Variants in MAN2A1 observed in about 807,000 individuals in gnomAD.
MAN2A1 encodes alpha-mannosidase 2.
In MAN2A1, 76 loss-of-function variants were observed where a neutral mutation model predicts 142.6. That is an observed-to-expected ratio of 0.53 (90% confidence interval 0.44 to 0.65). MAN2A1 has a LOEUF of 0.65. Among genes scored for constraint, MAN2A1 ranks in the 30% least tolerant of loss-of-function variants. MAN2A1 has a pLI of 0.00. For missense variants in MAN2A1, 1,311 were observed against 1,365.1 expected, an observed-to-expected ratio of 0.96 and a Z score of 0.62; for synonymous variants, 559 against 473.2, an observed-to-expected ratio of 1.18 and a Z score of -2.35.
chr5:109,804,734 A>G (rs1012311729), intron 12 of MAN2A1, among the ~76,000 whole-genome samples: 1 of 152,132 alleles, frequency 6.6e-6, no homozygotes, highest in African/African-American at 2.4e-5. Context: ...GCACTAGTAA[A>G]AATTTGTTGT....
At chr5:109,714,655 G>A (rs1250767078) in intron 2 of MAN2A1, among the ~76,000 whole-genome samples, 2 of 152,196 alleles carry the variant, frequency 1.3e-5, no homozygotes, top group African/African-American at 4.8e-5. Flanking sequence ...GATTTTGGGG[G>A]AAGGATCCTA....
chr5:109,742,063 AC>A (rs1305589340), intron 4 of MAN2A1, among the ~76,000 whole-genome samples: 5 of 152,100 alleles, frequency 3.3e-5, no homozygotes, highest in African/African-American at 4.8e-5. Context: ...CAAAATGTGA[AC>A]CCTTATTGAG....
chr5:109,851,184 C>T (rs763226806), intron 19 of MAN2A1, among the ~76,000 whole-genome samples: 1 of 152,226 alleles, frequency 6.6e-6, no homozygotes, highest in Non-Finnish European at 1.5e-5. Context: ...TCAGTAAAAA[C>T]AAGGACTTGG....
Position 109,774,640 on chromosome 5 carries a change from A to G in MAN2A1, c.1197-148A>G, listed in dbSNP as rs958093600. 43 of 590,802 alleles carry G rather than the reference A, an allele frequency of 7.3e-5. No homozygotes were observed. In the African/African-American group the frequency reaches 7.6e-4, roughly 10 times the overall value. The allele number at this position is 590,802 out of a possible 1,614,324, so 36.6% of individuals were successfully genotyped here. A position where few individuals can be genotyped will look rare whatever the true frequency, so the allele number is the denominator to read the frequency against. ...TTAAAAAAATCTGTCTTTAAATTAT[A>G]CTAACCTTGCAGATAGATAAAATAT... On this transcript the variant is annotated intron_variant, in intron 7 of 21. Coordinates refer to ENST00000261483, the MANE Select transcript of MAN2A1 (RefSeq NM_002372.4).
At chr5:109,735,069 A>T (rs1164245591) in intron 4 of MAN2A1, among the ~76,000 whole-genome samples, 1 of 152,172 alleles carries the variant, frequency 6.6e-6, no homozygotes, top group Non-Finnish European at 1.5e-5. Flanking sequence ...TATTGGGTGC[A>T]TGTATATTTA....
At chr5:109,804,478 G>A (rs1379093421) in intron 12 of MAN2A1, among the ~76,000 whole-genome samples, 1 of 151,986 alleles carries the variant, frequency 6.6e-6, no homozygotes, top group Non-Finnish European at 1.5e-5. Context: ...GTAGTTGGTT[G>A]GCTTGTGTGT....
intron 4 of MAN2A1, among the ~76,000 whole-genome samples, chr5:109,731,858 G>A (rs1228793648): frequency 3.4e-5 from 5 of 148,526 alleles, no homozygotes; most frequent in East Asian, 2.0e-4. Context: ...ATGATTTATA[G>A]TCCTTTGGGT....
chr5:109,826,317 C>T (rs764011290), intron 16 of MAN2A1, among the ~76,000 whole-genome samples: 3 of 152,122 alleles, frequency 2.0e-5, no homozygotes, highest in Non-Finnish European at 4.4e-5. Context: ...GTAATGCAAA[C>T]TTAGAGCGCC....
chr5:109,850,099 G>A (rs1298005952), intron 19 of MAN2A1, among the ~76,000 whole-genome samples: 1 of 152,114 alleles, frequency 6.6e-6, no homozygotes, highest in Non-Finnish European at 1.5e-5. Context: ...GCAAGTGTGC[G>A]ATTATTTGAT....
chr5:109,782,419 T>C (rs1363352259), intron 9 of MAN2A1, among the ~76,000 whole-genome samples: 1 of 152,176 alleles, frequency 6.6e-6, no homozygotes, highest in African/African-American at 2.4e-5. Flanking sequence ...TGTGTGGCTA[T>C]GGCTACCATA....
rs772266309 is a variant in MAN2A1, at chr5:109,845,993, G to A, written c.2829G>A (p.Ser943=). The change falls in exon 18 of 22, where the codon TCG becomes TCA. Residue 943 remains serine (S), a synonymous_variant. Coordinates refer to ENST00000261483, the MANE Select transcript of MAN2A1 (RefSeq NM_002372.4). ...TCTCTGCTCAGTCATTAGGGGTTTC[G>A]AGTTTGAATAGTGGTATGTATTGCT... is the stretch of plus-strand genomic sequence containing the variant. The part of the protein sequence containing the change: ...TLLSAQSLGV[S]SLNSGQIEVI... 2.4e-5 allele frequency: 38 copies of A among 1,611,946 alleles called. No individual in the cohort carries two copies. Among genetic ancestry groups the A allele is most frequent in the Non-Finnish European group, 2.6e-5 (31 of 1,178,990 alleles).
At chr5:109,719,154 G>A (rs11738247) in intron 3 of MAN2A1, among the ~76,000 whole-genome samples, 23,287 of 152,044 alleles carry the variant, frequency 0.15, 2,028 homozygotes, top group African/African-American at 0.25. Flanking sequence ...TCCCTAGTAA[G>A]TATTCCTGAC....
At chr5:109,691,925 T>G (rs75274984) in intron 1 of MAN2A1, among the ~76,000 whole-genome samples, 1 of 152,182 alleles carries the variant, frequency 6.6e-6, no homozygotes, top group Non-Finnish European at 1.5e-5. Flanking sequence ...AAGCTTAGCT[T>G]GATATGTTGT....
At chr5:109,770,785 A>G (rs562604737) in intron 7 of MAN2A1, among the ~76,000 whole-genome samples, 1 of 152,242 alleles carries the variant, frequency 6.6e-6, no homozygotes, top group African/African-American at 2.4e-5. Flanking sequence ...ATAATACACT[A>G]TTATTACCAT....
intron 7 of MAN2A1, among the ~76,000 whole-genome samples, chr5:109,774,090 A>G (rs1475019267): frequency 6.6e-6 from 1 of 152,222 alleles, no homozygotes; most frequent in East Asian, 1.9e-4. Context: ...CCATCAAGCT[A>G]TTGGTTAGAG....
At chr5:109,818,994 T>A (rs1354225925) in intron 13 of MAN2A1, among the ~76,000 whole-genome samples, 1 of 152,232 alleles carries the variant, frequency 6.6e-6, no homozygotes, top group Non-Finnish European at 1.5e-5. Flanking sequence ...ATAGTACAGA[T>A]GATCCCTGAC....
chr5:109,733,449 A>G (rs926462604), intron 4 of MAN2A1, among the ~76,000 whole-genome samples: 3 of 152,196 alleles, frequency 2.0e-5, no homozygotes, highest in African/African-American at 7.2e-5. Context: ...CCCATTTTCA[A>G]AGGGAATGCT....
intron 4 of MAN2A1, among the ~76,000 whole-genome samples, chr5:109,747,184 CAT>C (rs1403055660): frequency 1.3e-5 from 2 of 152,040 alleles, no homozygotes; most frequent in African/African-American, 4.8e-5. Flanking sequence ...TGCTGGATCA[CAT>C]AATAATTCTA....
chr5:109,796,349 G>A (rs1026366355), intron 12 of MAN2A1, among the ~76,000 whole-genome samples: 2 of 152,140 alleles, frequency 1.3e-5, no homozygotes, highest in African/African-American at 4.8e-5. Context: ...CAAAGGATTT[G>A]CATATTTTGA....
Sources: gnomAD v4.1 joint callset for allele counts (sites outside exome capture counted in the v4.1 genomes callset) on GRCh38, gnomAD v4.1.1 for gene constraint, MANE v1.5 for transcripts, NCBI Gene and HGNC (gene_info 2026-07-23, HGNC 2026-07-21) for gene names.